Variants in VAC14 observed in about 807,000 individuals in gnomAD.
VAC14 encodes protein VAC14 homolog.
Under a neutral mutation model 85.3 loss-of-function variants are expected in VAC14, and 47 were observed. The observed-to-expected ratio is 0.55, with a 90% CI of 0.44 to 0.70. The LOEUF (loss-of-function observed/expected upper bound fraction) is 0.70, where lower values mean the gene tolerates loss of function less well. Ranked by LOEUF, VAC14 falls within the 30% of genes least tolerant of loss-of-function variation. The pLI, the probability that VAC14 is intolerant of heterozygous loss-of-function variation, is 0.00. For missense variants in VAC14, 861 were observed against 1,004.3 expected (o/e 0.86, Z 1.93); for synonymous variants, 447 against 430.5 (o/e 1.04, Z -0.47).
At chr16:70,795,351 G>A (rs1057357244) in intron 1 of VAC14, among the ~76,000 whole-genome samples, 5 of 152,058 alleles carry the variant, frequency 3.3e-5, no homozygotes, top group South Asian at 2.1e-4. Context: ...AAAATTAGCC[G>A]GGCGTTGTGG....
chr16:70,755,718 C>T (rs1303257998), intron 12 of VAC14, among the ~76,000 whole-genome samples: 1 of 152,196 alleles, frequency 6.6e-6, no homozygotes, highest in Non-Finnish European at 1.5e-5. Flanking sequence ...ACCACGGTTC[C>T]TAAAGAAAGC....
At chr16:70,747,055 C>G (rs1336798035) in intron 12 of VAC14, 1 of 152,170 alleles carries the variant, frequency 6.6e-6, no homozygotes, top group African/African-American at 2.4e-5. Flanking sequence ...GGCATTTTTC[C>G]TAATAGCTAC....
chr16:70,716,383 C>T (rs764501090), intron 14 of VAC14: 1 of 152,334 alleles, frequency 6.6e-6, no homozygotes, highest in Non-Finnish European at 1.5e-5. Context: ...GAGCTCTCTC[C>T]TTATGAACTC....
rs1268158194 is a variant in VAC14, at chr16:70,751,224, C to T, written c.1372-6645G>A. Among the ~76,000 whole-genome samples, 52 of 152,222 alleles carry T rather than the reference C, an allele frequency of 3.4e-4. 1 individual carries two copies. The highest frequency in any genetic ancestry group is 3.3e-3 in the Admixed American group (51 of 15,284). On this transcript the variant is annotated intron_variant, in intron 12 of 18. Coordinates refer to ENST00000261776, the MANE Select transcript of VAC14 (RefSeq NM_018052.5). The stretch of plus-strand genomic sequence containing the variant: ...AGCCTTCTAGCTACTGAAGAGGGAA[C>T]CCTTCTTGTGTTGACAGGAAATCCC...
At chr16:70,770,491 C>A (rs1175831245) in intron 10 of VAC14, 2 of 152,266 alleles carry the variant, frequency 1.3e-5, no homozygotes, top group Non-Finnish European at 2.9e-5. Flanking sequence ...GCTGAAGGAT[C>A]CGACGTAAAG....
rs755996807 is a variant in VAC14 at position 70,695,525 on chromosome 16, G to A, written c.2035+19C>T. On this transcript the variant is annotated intron_variant, in intron 17 of 18. Coordinates refer to ENST00000261776, the MANE Select transcript of VAC14 (RefSeq NM_018052.5). Reference sequence around the variant, plus strand: ...GCCTTGGACTCATGGCGCGAGGTGTGGTGGGAGGTGGTTCTTACATGTGAA... The same window carrying A: ...GCCTTGGACTCATGGCGCGAGGTGTAGTGGGAGGTGGTTCTTACATGTGAA... The A allele has an allele frequency of 6.2e-7, 1 of 1,613,196 alleles. No homozygotes were observed. Among genetic ancestry groups the A allele is most frequent in the Non-Finnish European group, 8.5e-7 (1 of 1,179,386 alleles).
rs980199131 is a variant in VAC14 at position 70,730,509 on chromosome 16, T to C, written c.1661+986A>G. Among the ~76,000 whole-genome samples, 3 of 151,506 alleles carry C rather than the reference T, an allele frequency of 2.0e-5. No individual in the cohort carries two copies. The East Asian group carries it at 5.9e-4, about 30-fold the overall frequency. ...CCCCAGACCATGGTAGTCGGTAGTC[T>C]ACTCAGTCCCCAAGCACCCCAGACC... On this transcript the variant is annotated intron_variant, in intron 14 of 18. Transcript: ENST00000261776.
At chr16:70,731,439 A>T (rs2054588010) in intron 14 of VAC14, 56 bp downstream of exon 14, 3 of 1,582,348 alleles carry the variant, frequency 1.9e-6, no homozygotes, top group Non-Finnish European at 2.6e-6. Context: ...AATGGCGTGA[A>T]AGTGAAAAGC....
At chr16:70,718,363 G>C (rs1030480290) in intron 14 of VAC14, among the ~76,000 whole-genome samples, 2 of 152,086 alleles carry the variant, frequency 1.3e-5, no homozygotes, top group African/African-American at 4.8e-5. Flanking sequence ...ACGGGGTCAG[G>C]AGATTGAGAC....
chr16:70,780,539 C>A (rs1470563491), intron 9 of VAC14, among the ~76,000 whole-genome samples: 1 of 152,198 alleles, frequency 6.6e-6, no homozygotes, highest in Admixed American at 6.5e-5. Context: ...AGACAGCCTG[C>A]CTGGGTTCCA....
At chr16:70,766,832 T>G (rs1487114166) in intron 10 of VAC14, among the ~76,000 whole-genome samples, 1 of 152,162 alleles carries the variant, frequency 6.6e-6, no homozygotes, top group Non-Finnish European at 1.5e-5. Context: ...GGTTGGCTGC[T>G]GCTGCTGAGC....
intron 10 of VAC14, chr16:70,770,451 A>C (rs552202374): frequency 6.6e-5 from 10 of 152,278 alleles, no homozygotes; most frequent in Non-Finnish European, 1.0e-4. Flanking sequence ...CATGAAAGTA[A>C]TACTACTGAC....
Position 70,785,607 on chromosome 16 carries a change from C to T in VAC14, c.423+95G>A, listed in dbSNP as rs558267817. 3.0e-5 allele frequency: 42 copies of T among 1,418,804 alleles called. No homozygotes were observed. The East Asian group carries it at 6.6e-4, about 22-fold the overall frequency. The allele number at this position is 1,418,804 out of a possible 1,614,324, so 87.9% of individuals were successfully genotyped here. A position where few individuals can be genotyped will look rare whatever the true frequency, so the allele number is the denominator to read the frequency against. ...TGCAGCCACATGCTTGTTTGCTCTG[C>T]TTGCATCTGGGAAAAGGGGTCCAAG... On this transcript the variant is annotated intron_variant, in intron 3 of 18. Transcript: ENST00000261776.
intron 10 of VAC14, chr16:70,771,525 C>T (rs1017404412): frequency 1.3e-5 from 2 of 151,902 alleles, no homozygotes; most frequent in African/African-American, 4.8e-5. Context: ...GTTTACTGAC[C>T]TCCAATAGCT....
intron 2 of VAC14, 39 bp from the exon 3 acceptor site, chr16:70,785,908 T>G (rs894121185): frequency 1.9e-6 from 3 of 1,575,066 alleles, no homozygotes; most frequent in Non-Finnish European, 2.6e-6. Context: ...TCAGAATGGG[T>G]TGGAGCCCAG....
At chr16:70,724,136 G>C (rs1247951384) in intron 14 of VAC14, among the ~76,000 whole-genome samples, 2 of 152,116 alleles carry the variant, frequency 1.3e-5, no homozygotes, top group Non-Finnish European at 2.9e-5. Flanking sequence ...GGCTCCCTCT[G>C]GCCAGCATTT....
At chr16:70,772,450 G>A in intron 9 of VAC14, 1 of 388,578 alleles carries the variant, frequency 2.6e-6, no homozygotes, top group Non-Finnish European at 4.7e-6. Context: ...ACTGGCCTGA[G>A]GGGAATGGAT....
intron 13 of VAC14, among the ~76,000 whole-genome samples, chr16:70,732,727 C>T (rs1219870511): frequency 6.6e-6 from 1 of 151,902 alleles, no homozygotes; most frequent in Non-Finnish European, 1.5e-5. Context: ...ACTGCAACCT[C>T]TGCCTCCTGG....
intron 18 of VAC14, chr16:70,689,489 C>T (rs893417852): frequency 1.2e-5 from 12 of 985,396 alleles, no homozygotes; most frequent in Middle Eastern, 1.0e-3. Context: ...CACCAGCCTG[C>T]TGGGCAGGAC....
Sources: gnomAD v4.1 joint callset for allele counts (sites outside exome capture counted in the v4.1 genomes callset) on GRCh38, gnomAD v4.1.1 for gene constraint, MANE v1.5 for transcripts, NCBI Gene and HGNC (gene_info 2026-07-23, HGNC 2026-07-21) for gene names.